Variants in OXR1 observed in about 807,000 individuals in gnomAD.
OXR1 encodes oxidation resistance protein 1.
Under a neutral mutation model 104.6 loss-of-function variants are expected in OXR1, and 41 were observed. The ratio of observed to expected loss-of-function variants is 0.39; its 90% CI spans 0.31 to 0.51. The LOEUF is 0.51. Ranked by LOEUF, OXR1 falls within the 20% of genes least tolerant of loss-of-function variation. The probability of loss-of-function intolerance (pLI) is 0.77; values close to 1 mark genes in which losing one functional copy is unlikely to be tolerated. For missense variants in OXR1, 955 were observed against 1,031.9 expected (o/e 0.93, Z 1.02); for synonymous variants, 348 against 348.4 (o/e 1.00, Z 0.01).
intron 11 of OXR1, among the ~76,000 whole-genome samples, chr8:106,721,824 A>T (rs1832847991): frequency 6.6e-6 from 1 of 152,170 alleles, no homozygotes; most frequent in Non-Finnish European, 1.5e-5. Context: ...TAAGTGTAAA[A>T]TATGTAACCC....
intron 11 of OXR1, among the ~76,000 whole-genome samples, chr8:106,722,556 C>T (rs1051641403): frequency 1.3e-5 from 2 of 152,126 alleles, no homozygotes; most frequent in East Asian, 3.9e-4. Context: ...GTCATAACAT[C>T]ATAGTACAAT....
At chr8:106,425,698 A>G (rs1039878755) in intron 2 of OXR1, among the ~76,000 whole-genome samples, 2 of 152,126 alleles carry the variant, frequency 1.3e-5, no homozygotes, top group African/African-American at 4.8e-5. Flanking sequence ...CTCTTTAAAA[A>G]CTGTGCCAAA....
At chr8:106,620,933 T>G (rs2130843994) in intron 3 of OXR1, among the ~76,000 whole-genome samples, 1 of 152,206 alleles carries the variant, frequency 6.6e-6, no homozygotes, top group African/African-American at 2.4e-5. Flanking sequence ...TTATTAGAAA[T>G]GTGTGAGTAG....
Position 106,465,736 on chromosome 8 carries a change from G to C in OXR1, c.24-53207G>C, listed in dbSNP as rs187440893. On this transcript the variant is annotated intron_variant, in intron 2 of 16. Coordinates refer to ENST00000517566, the MANE Select transcript of OXR1 (RefSeq NM_001198533.2). Reference sequence around the variant, plus strand: ...AACTAGAAGACTAGAGCTGTCATTAGCAATATGAGAAACATCATGACCTGT... The same window carrying C: ...AACTAGAAGACTAGAGCTGTCATTACCAATATGAGAAACATCATGACCTGT... Among the ~76,000 whole-genome samples, 178 of 152,050 alleles carry C rather than the reference G, an allele frequency of 1.2e-3. 1 individual carries two copies. The highest frequency in any genetic ancestry group is 4.0e-3 in the African/African-American group (166 of 41,506).
chr8:106,298,760 T>TAAAC (rs59188130), intron 1 of OXR1, among the ~76,000 whole-genome samples: 32,981 of 151,350 alleles, frequency 0.22, 5,285 homozygotes, highest in African/African-American at 0.46. Flanking sequence ...ACAAAACAAA[T>TAAAC]AAACAAACAA....
intron 12 of OXR1, among the ~76,000 whole-genome samples, chr8:106,738,309 C>G (rs1001935659): frequency 6.6e-6 from 1 of 151,756 alleles, no homozygotes; most frequent in Non-Finnish European, 1.5e-5. Flanking sequence ...CCTTGGGTTT[C>G]TTTTTCTTTT....
rs142491304 is a variant in OXR1 at position 106,348,319 on chromosome 8, C to T, written c.-138-11157C>T. 8.3e-3 allele frequency among the ~76,000 whole-genome samples: 1,256 copies of T among 152,092 alleles called. 8 individuals are homozygous for T. Among genetic ancestry groups the T allele is most frequent in the African/African-American group, 0.028 (1,176 of 41,466 alleles). On this transcript the variant is annotated intron_variant, in intron 1 of 16. Coordinates refer to ENST00000517566, the MANE Select transcript of OXR1 (RefSeq NM_001198533.2). ...CACACACAAACACACACGCACACAC[C>T]CCTACCTATTTATATATTGCATTCC...
Position 106,740,514 on chromosome 8 carries a change from A to G in OXR1, c.2316+19A>G, listed in dbSNP as rs745352551. ...TGGACAGGTATGAAACACCAACTGC[A>G]TAGATTGCTTATCCTTTAAGAGCAG... On this transcript the variant is annotated intron_variant, in intron 14 of 16. Transcript: ENST00000517566. 1.3e-6 allele frequency: 2 copies of G among 1,595,768 alleles called. No homozygotes were observed. Among genetic ancestry groups the G allele is most frequent in the Non-Finnish European group, 1.7e-6 (2 of 1,169,702 alleles).
At chr8:106,588,332 T>C (rs1374921077) in intron 3 of OXR1, among the ~76,000 whole-genome samples, 1 of 151,940 alleles carries the variant, frequency 6.6e-6, no homozygotes, top group Non-Finnish European at 1.5e-5. Context: ...CTCAAAGGAC[T>C]CCTAACCTAT....
chr8:106,457,373 T>TTA (rs1231522070), intron 2 of OXR1, among the ~76,000 whole-genome samples: 1 of 152,206 alleles, frequency 6.6e-6, no homozygotes, highest in East Asian at 1.9e-4. Context: ...ATATTGGACT[T>TTA]TCTAGTCTCC....
intron 2 of OXR1, among the ~76,000 whole-genome samples, chr8:106,505,233 C>T (rs1478289957): frequency 6.6e-6 from 1 of 152,194 alleles, no homozygotes; most frequent in Non-Finnish European, 1.5e-5. Context: ...AGAAAATAAA[C>T]ATAACCACAT....
At chr8:106,688,033 C>G (rs1401712419) in intron 6 of OXR1, among the ~76,000 whole-genome samples, 1 of 152,146 alleles carries the variant, frequency 6.6e-6, no homozygotes, top group Non-Finnish European at 1.5e-5. Flanking sequence ...CCATTTCGCA[C>G]TATCATCTTC....
At chr8:106,408,733 A>G (rs1465893700) in intron 2 of OXR1, among the ~76,000 whole-genome samples, 1 of 152,122 alleles carries the variant, frequency 6.6e-6, no homozygotes, top group Non-Finnish European at 1.5e-5. Context: ...TGTCCTGCAG[A>G]TCCTGGCCGA....
intron 2 of OXR1, among the ~76,000 whole-genome samples, chr8:106,380,561 G>C (rs1817101617): frequency 6.6e-6 from 1 of 152,148 alleles, no homozygotes; most frequent in Non-Finnish European, 1.5e-5. Flanking sequence ...TTTATAAAGT[G>C]GCTGTCCCAT....
rs1488662309 is a variant in OXR1, at chr8:106,328,231, C to T, written c.-138-31245C>T. ...TGGCCATTCTTAGCCATGAGAACAC[C>T]CCTGGATAAGTCTTTGTCCAGAAGA... On this transcript the variant is annotated intron_variant, in intron 1 of 16. Transcript: ENST00000517566. 3.3e-5 allele frequency among the ~76,000 whole-genome samples: 5 copies of T among 152,056 alleles called. No individual in the cohort carries two copies. In the East Asian group the frequency reaches 9.6e-4, roughly 29 times the overall value.
intron 7 of OXR1, among the ~76,000 whole-genome samples, chr8:106,695,967 A>G (rs558831214): frequency 1.3e-5 from 2 of 151,268 alleles, no homozygotes; most frequent in Admixed American, 6.6e-5. Context: ...TCAATCAATG[A>G]AGCAGTATTC....
chr8:106,615,360 A>C (rs1459353115), intron 3 of OXR1, among the ~76,000 whole-genome samples: 3 of 151,902 alleles, frequency 2.0e-5, no homozygotes, highest in African/African-American at 7.3e-5. Flanking sequence ...TGAACTCAGG[A>C]GGTAGATGTT....
At position 106,270,278 on chromosome 8, in the gene OXR1, C is replaced by CGCCGCGCCGCCCA. The variant is rs1811737469; in HGVS notation, c.-224_-212dup. 1 of 151,826 alleles carries CGCCGCGCCGCCCA rather than the reference C, an allele frequency of 6.6e-6. No individual in the cohort carries two copies. Among genetic ancestry groups the CGCCGCGCCGCCCA allele is most frequent in the South Asian group, 2.1e-4 (1 of 4,860 alleles). The allele number at this position is 151,826 out of a possible 1,614,324, so 9.4% of individuals were successfully genotyped here. On this transcript the variant is annotated 5_prime_UTR_variant, in exon 1 of 17. Coordinates refer to ENST00000517566, the MANE Select transcript of OXR1 (RefSeq NM_001198533.2). ...CGCGGCCACAGGAGCTCAGCGCCGG[C>CGCCGCGCCGCCCA]GCCGCGCCGCCCAGCCCCGCCGAGA... is the stretch of plus-strand genomic sequence containing the variant.
At chr8:106,621,103 T>G (rs184263913) in intron 3 of OXR1, among the ~76,000 whole-genome samples, 1 of 152,140 alleles carries the variant, frequency 6.6e-6, no homozygotes, top group Admixed American at 6.5e-5. Flanking sequence ...CATATCAGAG[T>G]CCTGTCTGTT....
Sources: allele counts gnomAD v4.1 joint callset (sites outside exome capture counted in the v4.1 genomes callset), GRCh38; gene constraint gnomAD v4.1.1; transcripts MANE v1.5; gene names NCBI Gene and HGNC (gene_info 2026-07-23, HGNC 2026-07-21).